Variants in HIP1 observed in about 807,000 individuals in gnomAD.
HIP1 encodes huntingtin-interacting protein 1.
A neutral mutation model predicts 147.6 loss-of-function variants in HIP1; 65 were observed. The ratio of observed to expected loss-of-function variants is 0.44; its 90% CI spans 0.36 to 0.54. The LOEUF is 0.54. HIP1 is among the 20% of genes least tolerant of loss of function. HIP1 has a pLI of 0.00. For synonymous variants in HIP1, 479 were observed against 504.0 expected, an observed-to-expected ratio of 0.95 and a Z score of 0.67; for missense variants, 1,061 against 1,299.6, an observed-to-expected ratio of 0.82 and a Z score of 2.82.
At chr7:75,671,245 C>G (rs1799724099) in intron 1 of HIP1, among the ~76,000 whole-genome samples, 1 of 152,102 alleles carries the variant, frequency 6.6e-6, no homozygotes, top group Admixed American at 6.6e-5. Flanking sequence ...AGGCACCCGC[C>G]ACCATGCCTA....
chr7:75,595,492 G>A (rs1554501822), intron 2 of HIP1, among the ~76,000 whole-genome samples: 1 of 151,486 alleles, frequency 6.6e-6, no homozygotes. Context: ...ACAGGCACCC[G>A]CCACCATGCC....
At chr7:75,726,091 G>A (rs1801641580) in intron 1 of HIP1, among the ~76,000 whole-genome samples, 1 of 152,110 alleles carries the variant, frequency 6.6e-6, no homozygotes, top group South Asian at 2.1e-4. Context: ...TGATCTGCCT[G>A]CCTTGTTATC....
chr7:75,673,713 G>C (rs548283572), intron 1 of HIP1, among the ~76,000 whole-genome samples: 123 of 151,150 alleles, frequency 8.1e-4, no homozygotes, highest in African/African-American at 2.7e-3. Context: ...GGCCAGGTGC[G>C]GTGGCTCATG....
intron 1 of HIP1, among the ~76,000 whole-genome samples, chr7:75,653,747 C>G (rs1385467397): frequency 2.0e-5 from 3 of 152,064 alleles, no homozygotes; most frequent in Non-Finnish European, 2.9e-5. Context: ...GTAATCCCAG[C>G]TACTTGGGAG....
intron 1 of HIP1, among the ~76,000 whole-genome samples, chr7:75,602,145 C>T (rs1454597704): frequency 1.3e-5 from 2 of 151,000 alleles, no homozygotes; most frequent in Non-Finnish European, 3.0e-5. Flanking sequence ...GGACTACAGG[C>T]GCATGCCACC....
intron 1 of HIP1, among the ~76,000 whole-genome samples, chr7:75,639,449 C>G (rs1425439554): frequency 6.6e-6 from 1 of 151,568 alleles, no homozygotes; most frequent in Non-Finnish European, 1.5e-5. Context: ...CCGCGGCCCC[C>G]GGGCTCGCAC....
At chr7:75,594,056 C>A (rs1251061470) in intron 2 of HIP1, among the ~76,000 whole-genome samples, 1 of 151,724 alleles carries the variant, frequency 6.6e-6, no homozygotes, top group Admixed American at 6.6e-5. Flanking sequence ...CTGAGGCGGG[C>A]GGATCACCTG....
intron 1 of HIP1, 56 bp from the exon 2 acceptor site, chr7:75,599,303 G>T: frequency 7.3e-7 from 1 of 1,372,354 alleles, no homozygotes; most frequent in African/African-American, 1.4e-5. Context: ...GCCTCTGAGA[G>T]TGGCTGAGAC....
chr7:75,733,429 T>TC (rs1418865826), intron 1 of HIP1: 44 of 130,668 alleles, frequency 3.4e-4, no homozygotes, highest in African/African-American at 1.4e-3. Flanking sequence ...CTTTTCTTTT[T>TC]CTTTTTTTTT....
chr7:75,549,069 A>G, intron 22 of HIP1, 68 bp from the exon 23 acceptor site: 1 of 1,163,096 alleles, frequency 8.6e-7, no homozygotes, highest in Non-Finnish European at 1.3e-6. Context: ...GCCATCTGTA[A>G]CCCTTACAAG....
chr7:75,659,726 T>G (rs782666432), intron 1 of HIP1, among the ~76,000 whole-genome samples: 13 of 152,276 alleles, frequency 8.5e-5, no homozygotes, highest in Middle Eastern at 3.4e-3. Context: ...TGGGGTTACT[T>G]GCCTCAAAAA....
At chr7:75,710,428 G>A (rs1305468971) in intron 1 of HIP1, among the ~76,000 whole-genome samples, 1 of 152,034 alleles carries the variant, frequency 6.6e-6, no homozygotes, top group Non-Finnish European at 1.5e-5. Context: ...TTTTATTGAA[G>A]ATTTTTACAT....
intron 1 of HIP1, among the ~76,000 whole-genome samples, chr7:75,659,959 C>CT (rs1799255263): frequency 6.6e-6 from 1 of 151,492 alleles, no homozygotes; most frequent in Non-Finnish European, 1.5e-5. Flanking sequence ...AACCCGGTCT[C>CT]TACTAAAAAT....
intron 1 of HIP1, among the ~76,000 whole-genome samples, chr7:75,730,324 C>A (rs529586102): frequency 1.3e-5 from 2 of 151,428 alleles, no homozygotes; most frequent in Non-Finnish European, 2.9e-5. Flanking sequence ...CCTCAATTTC[C>A]TCCTCTGTAA....
intron 1 of HIP1, among the ~76,000 whole-genome samples, chr7:75,657,103 A>G (rs181202475): frequency 2.0e-3 from 310 of 152,370 alleles, no homozygotes; most frequent in Non-Finnish European, 2.8e-3. Context: ...CCGAAAAGAC[A>G]TATGCACATG....
intron 1 of HIP1, among the ~76,000 whole-genome samples, chr7:75,701,757 G>A (rs1800839622): frequency 1.3e-5 from 2 of 151,994 alleles, no homozygotes; most frequent in South Asian, 4.2e-4. Flanking sequence ...GGAGGTTGAG[G>A]TGGGAGGACT....
At chr7:75,646,995 A>G (rs1382778312) in intron 1 of HIP1, among the ~76,000 whole-genome samples, 5 of 151,998 alleles carry the variant, frequency 3.3e-5, no homozygotes, top group African/African-American at 7.2e-5. Flanking sequence ...CCTCCTGGTT[A>G]GGAAAGGGCC....
intron 1 of HIP1, among the ~76,000 whole-genome samples, chr7:75,673,274 C>T (rs782052985): frequency 1.3e-5 from 2 of 152,114 alleles, no homozygotes; most frequent in Non-Finnish European, 2.9e-5. Flanking sequence ...CTGCCTGCCT[C>T]GGCCTCCCAA....
chr7:75,558,066 C>A, intron 15 of HIP1, 101 bp downstream of exon 15: 1 of 895,400 alleles, frequency 1.1e-6, no homozygotes, highest in South Asian at 1.4e-5. Flanking sequence ...CCTTAGAGAT[C>A]AATGTAGGGG....
Sources: allele counts gnomAD v4.1 joint callset (sites outside exome capture counted in the v4.1 genomes callset), GRCh38; gene constraint gnomAD v4.1.1; transcripts MANE v1.5; gene names NCBI Gene and HGNC (gene_info 2026-07-23, HGNC 2026-07-21).